Variants in GABRA5 observed in about 807,000 individuals in gnomAD.
GABRA5 encodes the protein gamma-aminobutyric acid receptor subunit alpha-5.
Under a neutral mutation model 47.3 loss-of-function variants are expected in GABRA5, and 18 were observed. The ratio of observed to expected loss-of-function variants is 0.38; its 90% confidence interval spans 0.26 to 0.56. GABRA5 has a LOEUF of 0.56. Ranked by LOEUF, GABRA5 falls within the 20% of genes least tolerant of loss-of-function variation. The pLI is 0.71. For synonymous variants in GABRA5, 237 were observed against 229.3 expected (o/e 1.03, Z -0.30); for missense variants, 365 against 599.3 (o/e 0.61, Z 4.08).
chr15:26,926,890 T>C (rs933105504), intron 7 of GABRA5, among the ~76,000 whole-genome samples: 1 of 152,186 alleles, frequency 6.6e-6, no homozygotes, highest in African/African-American at 2.4e-5. Flanking sequence ...GATTATTTCC[T>C]AAATTTTCAT....
At chr15:26,878,389 G>A (rs998647787) in intron 3 of GABRA5, among the ~76,000 whole-genome samples, 6 of 152,146 alleles carry the variant, frequency 3.9e-5, no homozygotes, top group Admixed American at 2.6e-4. Flanking sequence ...GATACAGCAC[G>A]AGCCTTTCTC....
chr15:26,891,475 A>G (rs1893004299), intron 6 of GABRA5, among the ~76,000 whole-genome samples: 1 of 152,290 alleles, frequency 6.6e-6, no homozygotes, highest in Non-Finnish European at 1.5e-5. Context: ...TATAGCAAGC[A>G]TGCAACAGGA....
intron 6 of GABRA5, among the ~76,000 whole-genome samples, chr15:26,911,351 TG>T (rs1408068301): frequency 7.1e-6 from 1 of 140,062 alleles, no homozygotes; most frequent in Non-Finnish European, 1.6e-5. Flanking sequence ...GTACCCTCCC[TG>T]CCCCCACCCT....
At chr15:26,893,676 G>C (rs967477450) in intron 6 of GABRA5, among the ~76,000 whole-genome samples, 7 of 152,038 alleles carry the variant, frequency 4.6e-5, no homozygotes, top group Non-Finnish European at 7.4e-5. Flanking sequence ...TCACCCTGGA[G>C]TGGCGCAGGG....
At chr15:26,902,999 A>G (rs1403316015) in intron 6 of GABRA5, among the ~76,000 whole-genome samples, 1 of 151,972 alleles carries the variant, frequency 6.6e-6, no homozygotes, top group East Asian at 1.9e-4. Context: ...ACATGTGCAG[A>G]TTTGTTATAT....
intron 8 of GABRA5, chr15:26,939,445 G>A (rs752729422): frequency 2.6e-6 from 2 of 762,756 alleles, no homozygotes; most frequent in South Asian, 2.7e-5. Flanking sequence ...ATCTCACTCT[G>A]CACCTGCGAC....
chr15:26,889,287 T>C lies in GABRA5; in HGVS notation c.497+5730T>C, dbSNP rs146981518. Among the ~76,000 whole-genome samples the C allele has an allele frequency of 4.6e-4, 70 of 152,310 alleles. 1 individual carries two copies. Among genetic ancestry groups the C allele is most frequent in the African/African-American group, 1.4e-3 (60 of 41,564 alleles). ...GTGAAAAGATCGTGGACTTCGGAGTTAGGCTGACTTAAATTCAGGTCCTGA... is the reference window on the plus strand; with the variant it reads ...GTGAAAAGATCGTGGACTTCGGAGTCAGGCTGACTTAAATTCAGGTCCTGA... On this transcript the variant is annotated intron_variant, in intron 6 of 10. Transcript: ENST00000335625.
chr15:26,929,012 G>A (rs1026304418), intron 7 of GABRA5, among the ~76,000 whole-genome samples: 6 of 152,094 alleles, frequency 3.9e-5, no homozygotes, highest in Non-Finnish European at 5.9e-5. Context: ...TGGGGCTGAG[G>A]ATTTCAACAT....
chr15:26,893,404 GT>G (rs1566870491), intron 6 of GABRA5, among the ~76,000 whole-genome samples: 18 of 1,210 alleles, frequency 0.015, no homozygotes, highest in Admixed American at 0.03. Context: ...TGTATGGTGT[GT>G]TGTGTGTGTT....
At chr15:26,941,507 A>C (rs1452309129) in intron 9 of GABRA5, among the ~76,000 whole-genome samples, 1 of 152,158 alleles carries the variant, frequency 6.6e-6, no homozygotes, top group Non-Finnish European at 1.5e-5. Flanking sequence ...AATGACGTTC[A>C]TGGAGTACTT....
intron 3 of GABRA5, among the ~76,000 whole-genome samples, chr15:26,872,647 C>G (rs965493581): frequency 2.0e-5 from 3 of 152,162 alleles, no homozygotes; most frequent in African/African-American, 7.2e-5. Context: ...GGAGAAGCAT[C>G]AAAGGGTTTA....
At chr15:26,946,872 G>A (rs548061722) in intron 10 of GABRA5, among the ~76,000 whole-genome samples, 26 of 152,266 alleles carry the variant, frequency 1.7e-4, no homozygotes, top group African/African-American at 5.8e-4. Context: ...AAGCCCAGGT[G>A]TCCATCGATA....
chr15:26,879,226 C>T (rs766868089), intron 3 of GABRA5, among the ~76,000 whole-genome samples: 2 of 152,192 alleles, frequency 1.3e-5, no homozygotes, highest in African/African-American at 2.4e-5. Flanking sequence ...GTTGCAAACT[C>T]GGTGACAATT....
chr15:26,894,108 G>A (rs915065542), intron 6 of GABRA5, among the ~76,000 whole-genome samples: 3 of 145,110 alleles, frequency 2.1e-5, no homozygotes, highest in African/African-American at 7.6e-5. Flanking sequence ...AGGCTGGAGC[G>A]CAGCGGCCCG....
chr15:26,939,370 G>T (rs17647384), intron 8 of GABRA5: 4 of 765,018 alleles, frequency 5.2e-6, no homozygotes, highest in Admixed American at 3.4e-5. Flanking sequence ...AAGAACAGGC[G>T]ACACCTCTCT....
chr15:26,892,802 A>G (rs1893040943), intron 6 of GABRA5, among the ~76,000 whole-genome samples: 1 of 152,128 alleles, frequency 6.6e-6, no homozygotes, highest in South Asian at 2.1e-4. Flanking sequence ...CCCTTGGGGC[A>G]GGAGAGGTCT....
intron 7 of GABRA5, among the ~76,000 whole-genome samples, chr15:26,930,080 C>T (rs1218948396): frequency 1.3e-5 from 2 of 148,552 alleles, no homozygotes; most frequent in African/African-American, 5.0e-5. Flanking sequence ...AGTGCAATGG[C>T]ACGATCACTG....
intron 7 of GABRA5, among the ~76,000 whole-genome samples, chr15:26,936,957 G>A (rs566311152): frequency 3.3e-5 from 5 of 152,282 alleles, no homozygotes; most frequent in Admixed American, 6.5e-5. Flanking sequence ...CAAGTGTACC[G>A]GGAAGTGCCA....
chr15:26,882,487 T>C (rs1048967446), intron 4 of GABRA5, among the ~76,000 whole-genome samples: 9 of 152,204 alleles, frequency 5.9e-5, no homozygotes, highest in African/African-American at 2.2e-4. Flanking sequence ...CCACGGGGAC[T>C]TACAGGGCTG....
Sources: gnomAD v4.1 joint callset for allele counts (sites outside exome capture counted in the v4.1 genomes callset) on GRCh38, gnomAD v4.1.1 for gene constraint, MANE v1.5 for transcripts, NCBI Gene and HGNC (gene_info 2026-07-23, HGNC 2026-07-21) for gene names.